Variants in EFL1 observed in about 807,000 individuals in gnomAD.
The protein encoded by EFL1 is elongation factor like GTPase 1, also known as elongation factor-like GTPase 1.
In EFL1, 76 loss-of-function variants were observed where a neutral mutation model predicts 126.7. The ratio of observed to expected loss-of-function variants is 0.60; its 90% CI spans 0.50 to 0.73. The LOEUF (loss-of-function observed/expected upper bound fraction) is 0.73. EFL1 is among the 30% of genes least tolerant of loss of function. The pLI is 0.00. For synonymous variants in EFL1, 410 were observed against 448.4 expected (o/e 0.91, Z 1.08); for missense variants, 1,128 against 1,343.2 (o/e 0.84, Z 2.50).
Position 82,219,680 on chromosome 15 carries a change from T to G in EFL1, c.1583A>C (p.Lys528Thr), listed in dbSNP as rs1382565845. The G allele has an allele frequency of 5.6e-6, 9 of 1,613,550 alleles. No individual in the cohort carries two copies. Among genetic ancestry groups the G allele is most frequent in the Non-Finnish European group, 7.6e-6 (9 of 1,179,760 alleles). ...TCGTAAAAACTCAAGAGGACTGTAT[T>G]TGGGCCCCAAGACAAAAATTTTCTT... is the stretch of plus-strand genomic sequence containing the variant. ...RGKKIFVLGPKYSPLEFLRRV... is the reference protein window; with the variant it reads ...RGKKIFVLGPTYSPLEFLRRV... Residue 528 changes from lysine to threonine, a missense_variant, in exon 14 of 20, where the codon AAA becomes ACA. Lys to Thr is a moderately conservative substitution (Grantham distance 78). Around this residue, in one of 6 missense-constraint regions of EFL1, gnomAD observed 120 missense variants for 142.1 expected, o/e 0.84. Coordinates refer to ENST00000268206, the MANE Select transcript of EFL1 (RefSeq NM_024580.6).
chr15:82,200,220 G>T (rs941153081), intron 15 of EFL1, among the ~76,000 whole-genome samples: 11 of 151,970 alleles, frequency 7.2e-5, no homozygotes, highest in African/African-American at 2.7e-4. Flanking sequence ...GTTATAGAAC[G>T]TAAAACATTC....
At chr15:82,249,350 C>T (rs2075000950) in intron 4 of EFL1, among the ~76,000 whole-genome samples, 2 of 151,160 alleles carry the variant, frequency 1.3e-5, no homozygotes, top group Admixed American at 1.3e-4. Context: ...ATGCAATATA[C>T]CTAATATGTA....
At chr15:82,140,615 T>C (rs779277396) in intron 18 of EFL1, among the ~76,000 whole-genome samples, 22 of 152,226 alleles carry the variant, frequency 1.4e-4, no homozygotes, top group Non-Finnish European at 2.8e-4. Flanking sequence ...AGGCCATCTC[T>C]AAGCCAGGCC....
chr15:82,178,465 G>A (rs2074217012), intron 15 of EFL1, among the ~76,000 whole-genome samples: 1 of 152,150 alleles, frequency 6.6e-6, no homozygotes, highest in African/African-American at 2.4e-5. Context: ...TAGTGGAAAT[G>A]CTCCTTCCTT....
intron 6 of EFL1, among the ~76,000 whole-genome samples, chr15:82,239,285 T>A (rs1049744018): frequency 6.6e-6 from 1 of 152,078 alleles, no homozygotes; most frequent in African/African-American, 2.4e-5. Context: ...TACAGGGGCC[T>A]GCTACCACGC....
At chr15:82,205,669 TTC>T (rs1394901458) in intron 15 of EFL1, among the ~76,000 whole-genome samples, 13 of 152,218 alleles carry the variant, frequency 8.5e-5, no homozygotes, top group African/African-American at 3.1e-4. Flanking sequence ...TCATTTCATC[TTC>T]CCTAATTATC....
At chr15:82,197,890 GC>G (rs2074424648) in intron 15 of EFL1, among the ~76,000 whole-genome samples, 2 of 151,964 alleles carry the variant, frequency 1.3e-5, no homozygotes, top group Non-Finnish European at 2.9e-5. Context: ...CCTGCTGCCT[GC>G]CCTGCCTGCC....
At position 82,219,704 on chromosome 15, in the gene EFL1, T is replaced by G; in HGVS notation, c.1559A>C (p.Lys520Thr). Residue 520 changes from lysine to threonine, a missense_variant, in exon 14 of 20, where the codon AAG becomes ACG. By Grantham distance (78) the Lys-to-Thr change is moderately conservative. Coordinates refer to ENST00000268206, the MANE Select transcript of EFL1 (RefSeq NM_024580.6). ...RVFSGVARRG[K>T]KIFVLGPKYS... ...TTTGGGCCCCAAGACAAAAATTTTC[T>G]TTCCTCTTCGAGCCACACCACTGAA... The G allele has an allele frequency of 6.2e-7, 1 of 1,613,812 alleles. No individual in the cohort carries two copies. Among genetic ancestry groups the G allele is most frequent in the South Asian group, 1.1e-5 (1 of 91,042 alleles).
At chr15:82,191,172 C>T (rs1430931804) in intron 15 of EFL1, among the ~76,000 whole-genome samples, 10 of 152,122 alleles carry the variant, frequency 6.6e-5, no homozygotes, top group Non-Finnish European at 4.4e-5. Flanking sequence ...AAATACTATG[C>T]ATTATTCACA....
At chr15:82,256,271 G>A (rs1051308369) in intron 3 of EFL1, among the ~76,000 whole-genome samples, 9 of 151,990 alleles carry the variant, frequency 5.9e-5, no homozygotes, top group Non-Finnish European at 1.2e-4. Context: ...CACCATGCCC[G>A]GCACAGGTAC....
chr15:82,148,819 A>G (rs2073876540), intron 18 of EFL1, among the ~76,000 whole-genome samples: 1 of 152,200 alleles, frequency 6.6e-6, no homozygotes, highest in Non-Finnish European at 1.5e-5. Flanking sequence ...GGATATAAAC[A>G]CTGCGTTCCA....
At chr15:82,159,510 GACA>G (rs1290033074) in intron 16 of EFL1, among the ~76,000 whole-genome samples, 2 of 145,542 alleles carry the variant, frequency 1.4e-5, no homozygotes, top group Non-Finnish European at 3.0e-5. Flanking sequence ...GAAACATGGA[GACA>G]ACATTTTGAA....
intron 19 of EFL1, among the ~76,000 whole-genome samples, chr15:82,137,679 G>A (rs1432742284): frequency 6.6e-6 from 1 of 152,228 alleles, no homozygotes; most frequent in African/African-American, 2.4e-5. Context: ...AGGGAATAAT[G>A]TGAAGTTATT....
intron 16 of EFL1, among the ~76,000 whole-genome samples, chr15:82,159,158 T>C (rs1418023520): frequency 6.9e-6 from 1 of 144,622 alleles, no homozygotes; most frequent in Non-Finnish European, 1.6e-5. Context: ...TGTAATTTTT[T>C]TTTTGTCTAA....
chr15:82,131,974 G>A (rs1342138100), intron 19 of EFL1, among the ~76,000 whole-genome samples: 1 of 152,104 alleles, frequency 6.6e-6, no homozygotes, highest in Non-Finnish European at 1.5e-5. Context: ...ATATCTAACA[G>A]GAGTTCTAAA....
intron 11 of EFL1, among the ~76,000 whole-genome samples, chr15:82,225,803 T>G (rs1342622998): frequency 6.6e-6 from 1 of 152,232 alleles, no homozygotes; most frequent in Non-Finnish European, 1.5e-5. Flanking sequence ...CAATTCTCCC[T>G]AAATACACAA....
intron 15 of EFL1, among the ~76,000 whole-genome samples, chr15:82,182,347 G>A (rs374032762): frequency 2.6e-4 from 40 of 152,342 alleles, no homozygotes; most frequent in African/African-American, 8.9e-4. Context: ...GTTTGTGATT[G>A]ACAATAGGTT....
intron 17 of EFL1, among the ~76,000 whole-genome samples, chr15:82,154,814 T>A (rs1157774400): frequency 6.6e-6 from 1 of 152,220 alleles, no homozygotes; most frequent in Non-Finnish European, 1.5e-5. Flanking sequence ...CAGCCTGAAG[T>A]GCAGTGGTGT....
At chr15:82,199,270 T>A (rs1175824050) in intron 15 of EFL1, among the ~76,000 whole-genome samples, 2 of 152,148 alleles carry the variant, frequency 1.3e-5, no homozygotes, top group African/African-American at 4.8e-5. Context: ...TATATTAGAA[T>A]TAACTTATGA....
Sources: allele counts gnomAD v4.1 joint callset (sites outside exome capture counted in the v4.1 genomes callset), GRCh38; gene constraint gnomAD v4.1.1; regional missense constraint gnomAD v4.1.1; transcripts MANE v1.5; gene names NCBI Gene and HGNC (gene_info 2026-07-23, HGNC 2026-07-21).